RET: variants seen among roughly 807,000 people sequenced by gnomAD.
RET encodes the protein proto-oncogene tyrosine-protein kinase receptor Ret.
A neutral mutation model predicts 118.3 loss-of-function variants in RET; 19 were observed. The ratio of observed to expected loss-of-function variants is 0.16; its 90% CI spans 0.11 to 0.24. The LOEUF (loss-of-function observed/expected upper bound fraction) is 0.24. Ranked by LOEUF, RET falls within the 10% of genes least tolerant of loss-of-function variation. The pLI, the probability that RET is intolerant of heterozygous loss-of-function variation, is 1.00. For synonymous variants in RET, 597 were observed against 644.1 expected (o/e 0.93, Z 1.11); for missense variants, 1,219 against 1,502.1 (o/e 0.81, Z 3.12).
chr10:43,078,354 G>A (rs1695926224), intron 1 of RET, among the ~76,000 whole-genome samples: 1 of 152,216 alleles, frequency 6.6e-6, no homozygotes. Flanking sequence ...TTTGGGAACA[G>A]AAGAAGCCAT....
Position 43,112,112 on chromosome 10 carries a change from G to T in RET, c.1536G>T (p.Glu512Asp). ...VTVEGSYVAE[E>D]AGCPLSCAVS... The stretch of plus-strand genomic sequence containing the variant: ...TGCCACCTGCAGATGTGGCCGAGGA[G>T]GCGGGCTGCCCCCTGTCCTGTGCAG... The change falls in exon 8 of 20, where the codon GAG (glutamate) becomes GAT (aspartate). Residue 512 changes from glutamate to aspartate, a missense_variant. This residue lies in a region of RET where 850 missense variants were observed against 969.6 expected (regional missense o/e 0.88). Transcript: ENST00000355710. 6.2e-7 allele frequency: 1 copy of T among 1,602,310 alleles called. No individual in the cohort carries two copies. The highest frequency in any genetic ancestry group is 8.5e-7 in the Non-Finnish European group (1 of 1,174,590).
chr10:43,107,783 GC>G lies in RET; in HGVS notation c.1063+1213del, dbSNP rs1368739686. 2.0e-5 allele frequency among the ~76,000 whole-genome samples: 3 copies of G among 152,138 alleles called. No homozygotes were observed. The East Asian group carries it at 5.8e-4, about 29-fold the overall frequency. ...CATTTTAGGGAGACAGGAGTTACAA[GC>G]AAGGACATAAATCAACACACAGAAG... On this transcript the variant is annotated intron_variant, in intron 5 of 19. Transcript: ENST00000355710.
At chr10:43,092,901 C>T (rs765339537) in intron 1 of RET, among the ~76,000 whole-genome samples, 1 of 152,192 alleles carries the variant, frequency 6.6e-6, no homozygotes, top group Non-Finnish European at 1.5e-5. Context: ...GCTCCAGTGC[C>T]CGTGAGACCA....
intron 4 of RET, among the ~76,000 whole-genome samples, chr10:43,105,761 G>C (rs1837758826): frequency 6.6e-6 from 1 of 152,166 alleles, no homozygotes; most frequent in African/African-American, 2.4e-5. Context: ...CCGCTTCTCT[G>C]GGCACACCAC....
chr10:43,088,703 T>G (rs983040092), intron 1 of RET, among the ~76,000 whole-genome samples: 1 of 152,106 alleles, frequency 6.6e-6, no homozygotes, highest in African/African-American at 2.4e-5. Context: ...TATATGTCCC[T>G]TGCTCCAGGC....
intron 3 of RET, among the ~76,000 whole-genome samples, chr10:43,104,566 G>A (rs1664430811): frequency 6.6e-6 from 1 of 152,214 alleles, no homozygotes; most frequent in South Asian, 2.1e-4. Flanking sequence ...TAGGGCTGCA[G>A]TGCAGCTTGG....
chr10:43,116,970 A>C (rs2132914038), intron 12 of RET, among the ~76,000 whole-genome samples: 1 of 152,358 alleles, frequency 6.6e-6, no homozygotes, highest in East Asian at 1.9e-4. Context: ...CTAAGCTTTA[A>C]ACATTTAAAA....
chr10:43,122,482 A>T (rs1475434873), intron 16 of RET, among the ~76,000 whole-genome samples: 1 of 152,206 alleles, frequency 6.6e-6, no homozygotes, highest in Non-Finnish European at 1.5e-5. Context: ...GTGTGCCCCA[A>T]ACTGCTCAAA....
intron 7 of RET, among the ~76,000 whole-genome samples, chr10:43,111,834 C>T (rs989659785): frequency 2.0e-5 from 3 of 152,242 alleles, no homozygotes; most frequent in Non-Finnish European, 4.4e-5. Flanking sequence ...CACAGGGCGT[C>T]GTTGGCTGAA....
At chr10:43,107,144 C>A (rs1837799840) in intron 5 of RET, among the ~76,000 whole-genome samples, 2 of 152,204 alleles carry the variant, frequency 1.3e-5, no homozygotes, top group African/African-American at 4.8e-5. Flanking sequence ...CTGGGATCGC[C>A]TTCCAAATAA....
At chr10:43,109,343 T>C in intron 6 of RET, 113 bp downstream of exon 6, 1 of 1,102,926 alleles carries the variant, frequency 9.1e-7, no homozygotes, top group Non-Finnish European at 1.3e-6. Context: ...GTAGACTGGG[T>C]GGAGTCCTGA....
chr10:43,124,132 G>T (rs1056237159), intron 17 of RET, among the ~76,000 whole-genome samples: 1 of 152,166 alleles, frequency 6.6e-6, no homozygotes, highest in Non-Finnish European at 1.5e-5. Flanking sequence ...CAGGGGGCAC[G>T]TGTTAAGGGG....
chr10:43,099,993 C>T (rs1205736847), intron 1 of RET, among the ~76,000 whole-genome samples: 2 of 152,206 alleles, frequency 1.3e-5, no homozygotes, highest in African/African-American at 2.4e-5. Flanking sequence ...ATTTGATAGA[C>T]GTATGTTTTC....
intron 1 of RET, among the ~76,000 whole-genome samples, chr10:43,093,390 G>T (rs1837449436): frequency 6.6e-6 from 1 of 152,162 alleles, no homozygotes; most frequent in African/African-American, 2.4e-5. Context: ...TGAGCAGTGA[G>T]GTGGGGCCAT....
intron 16 of RET, 39 bp downstream of exon 16, chr10:43,122,055 G>A (rs774453113): frequency 2.6e-6 from 4 of 1,516,190 alleles, no homozygotes; most frequent in Non-Finnish European, 3.7e-6. Flanking sequence ...GGAGGTTACA[G>A]AAACACCCTT....
At chr10:43,088,929 C>T (rs1174483246) in intron 1 of RET, among the ~76,000 whole-genome samples, 1 of 152,242 alleles carries the variant, frequency 6.6e-6, no homozygotes, top group African/African-American at 2.4e-5. Flanking sequence ...CTTTTCCCCT[C>T]CTTTCACTCT....
intron 18 of RET, among the ~76,000 whole-genome samples, 200 bp from the exon 19 acceptor site, chr10:43,126,375 G>A (rs1418121941): frequency 6.6e-6 from 1 of 152,210 alleles, no homozygotes; most frequent in Non-Finnish European, 1.5e-5. Flanking sequence ...GGGAGTGATG[G>A]GGACCTCAGA....
At chr10:43,098,067 A>AT (rs1419637888) in intron 1 of RET, among the ~76,000 whole-genome samples, 9 of 151,946 alleles carry the variant, frequency 5.9e-5, no homozygotes, top group Non-Finnish European at 1.2e-4. Flanking sequence ...AATTCATACG[A>AT]TTTTTTATTG....
rs1837849183 is a variant in RET, at chr10:43,109,022, T to G, written c.1064-9T>G. ...AGCTTGGTGGTCATTGTTGTGCCCC[T>G]ACCTGCAGGGCTGGTTCTCAACCGG... On this transcript the variant is annotated splice_polypyrimidine_tract_variant and intron_variant, in intron 5 of 19. Transcript: ENST00000355710. The G allele has an allele frequency of 1.2e-6, 2 of 1,611,306 alleles. No individual in the cohort carries two copies. Among genetic ancestry groups the G allele is most frequent in the African/African-American group, 2.7e-5 (2 of 74,916 alleles).
Sources: allele counts gnomAD v4.1 joint callset (sites outside exome capture counted in the v4.1 genomes callset), GRCh38; gene constraint gnomAD v4.1.1; regional missense constraint gnomAD v4.1.1; transcripts MANE v1.5; gene names NCBI Gene and HGNC (gene_info 2026-07-23, HGNC 2026-07-21).